Variants in ATP9B observed in about 807,000 individuals in gnomAD.
ATP9B encodes probable phospholipid-transporting ATPase IIB.
Under a neutral mutation model 146.1 loss-of-function variants are expected in ATP9B, and 110 were observed. That is an observed-to-expected ratio of 0.75 (90% CI 0.65 to 0.88). The LOEUF is 0.88. Among genes scored for constraint, ATP9B ranks in the 40% least tolerant of loss-of-function variants. ATP9B has a pLI of 0.00. For synonymous variants in ATP9B, 604 were observed against 569.7 expected, an observed-to-expected ratio of 1.06 and a Z score of -0.86; for missense variants, 1,499 against 1,496.4, an observed-to-expected ratio of 1.00 and a Z score of -0.03.
rs559979982 is a variant in ATP9B, at chr18:79,104,918, ATTT to A, written c.294-5434_294-5432del. On this transcript the variant is annotated intron_variant, in intron 2 of 29. Transcript: ENST00000426216. ...GCCACCACACCCGGCTAATTTTTTT[ATTT>A]TTATAGAGGCAGGGTCTTTCTATGT... 6.6e-3 allele frequency among the ~76,000 whole-genome samples: 996 copies of A among 152,010 alleles called. 8 individuals carry two copies. Among genetic ancestry groups the A allele is most frequent in the African/African-American group, 0.023 (952 of 41,476 alleles).
At chr18:79,213,053 G>A (rs1391943116) in intron 10 of ATP9B, among the ~76,000 whole-genome samples, 1 of 152,098 alleles carries the variant, frequency 6.6e-6, no homozygotes, top group Non-Finnish European at 1.5e-5. Context: ...TTACTTCAAA[G>A]AGCCTGTCTT....
chr18:79,367,248 C>T (rs1317286370), intron 26 of ATP9B, among the ~76,000 whole-genome samples: 1 of 133,834 alleles, frequency 7.5e-6, no homozygotes, highest in African/African-American at 2.9e-5. Context: ...CATATCTTCA[C>T]CTCCACCGTG....
chr18:79,140,421 T>G (rs1052916950), intron 5 of ATP9B, among the ~76,000 whole-genome samples: 10 of 152,116 alleles, frequency 6.6e-5, no homozygotes, highest in Admixed American at 6.6e-5. Flanking sequence ...CGGGCAGAAA[T>G]TAATGACTGG....
At position 79,121,071 on chromosome 18, in the gene ATP9B, T is replaced by G. The variant is rs8099205; in HGVS notation, c.559-5196T>G. On this transcript the variant is annotated intron_variant, in intron 4 of 29. Transcript: ENST00000426216. ...AAATTAGAGGTAAAGATACATACTT[T>G]GTAGGATTTTTGTGATATTTAAAAG... Among the ~76,000 whole-genome samples, 692 of 152,336 alleles carry G rather than the reference T, an allele frequency of 4.5e-3. 5 individuals are homozygous for G. Among genetic ancestry groups the G allele is most frequent in the African/African-American group, 0.016 (674 of 41,570 alleles).
chr18:79,234,586 G>GGC (rs2095822456), intron 11 of ATP9B, among the ~76,000 whole-genome samples: 3 of 151,822 alleles, frequency 2.0e-5, no homozygotes, highest in Non-Finnish European at 4.4e-5. Flanking sequence ...GCTTGCTGTG[G>GGC]GTGTGCTTGC....
At chr18:79,072,142 C>CT (rs34018028) in intron 1 of ATP9B, among the ~76,000 whole-genome samples, 1,560 of 146,010 alleles carry the variant, frequency 0.011, 25 homozygotes, top group African/African-American at 0.032. Context: ...TTCCCTAATT[C>CT]TTTTTTTTTT....
chr18:79,089,533 CT>C (rs1455431213), intron 1 of ATP9B, among the ~76,000 whole-genome samples: 2 of 152,088 alleles, frequency 1.3e-5, no homozygotes, highest in Non-Finnish European at 2.9e-5. Flanking sequence ...GTTGCTTTTC[CT>C]CCAGATGTCA....
intron 12 of ATP9B, among the ~76,000 whole-genome samples, chr18:79,257,518 A>G (rs1004714127): frequency 6.6e-6 from 1 of 152,232 alleles, no homozygotes; most frequent in African/African-American, 2.4e-5. Flanking sequence ...ACTGGAACAG[A>G]GAGAACCTTG....
intron 22 of ATP9B, 64 bp from the exon 23 acceptor site, chr18:79,345,711 G>A: frequency 1.0e-5 from 16 of 1,607,296 alleles, no homozygotes; most frequent in Non-Finnish European, 1.4e-5. Context: ...AGCTTCTGAT[G>A]GTAAAAATGA....
At chr18:79,133,423 C>A (rs2094406573) in intron 5 of ATP9B, among the ~76,000 whole-genome samples, 1 of 151,970 alleles carries the variant, frequency 6.6e-6, no homozygotes, top group Admixed American at 6.5e-5. Flanking sequence ...TCATGAACAC[C>A]TTCCATTTTT....
At chr18:79,099,909 G>A (rs1442332775) in intron 2 of ATP9B, among the ~76,000 whole-genome samples, 2 of 152,054 alleles carry the variant, frequency 1.3e-5, no homozygotes, top group Non-Finnish European at 1.5e-5. Flanking sequence ...GGTGGATCAC[G>A]AGGTCAAGAG....
At position 79,271,236 on chromosome 18, in the gene ATP9B, T is replaced by TTTA. The variant is rs556752249; in HGVS notation, c.1269-5801_1269-5799dup. The stretch of plus-strand genomic sequence containing the variant: ...TTCTGTAATACTTTGCTGTATTTTC[T>TTTA]TTATTATTATTATTATTATACTTTA... On this transcript the variant is annotated intron_variant, in intron 12 of 29. Transcript: ENST00000426216. 5.3e-3 allele frequency among the ~76,000 whole-genome samples: 811 copies of TTTA among 151,714 alleles called. 1 individual carries two copies. Among genetic ancestry groups the TTTA allele is most frequent in the Non-Finnish European group, 9.0e-3 (614 of 67,878 alleles).
chr18:79,237,263 T>G (rs1427651443), intron 11 of ATP9B, among the ~76,000 whole-genome samples: 1 of 140,410 alleles, frequency 7.1e-6, no homozygotes, highest in Non-Finnish European at 1.5e-5. Context: ...CGAGTCAGTG[T>G]CCACACCTGC....
chr18:79,244,930 G>A (rs2095928447), intron 11 of ATP9B, among the ~76,000 whole-genome samples: 1 of 152,200 alleles, frequency 6.6e-6, no homozygotes, highest in Non-Finnish European at 1.5e-5. Flanking sequence ...TACAATATCA[G>A]TACCACTTAG....
rs141343734 is a variant in ATP9B at position 79,371,832 on chromosome 18, G to A, written c.3013-993G>A. ...TCCTGTCCTTAGGAGAATCTCCCCC[G>A]TGGGTGGGGAAGCCCTAAATCAGGG... On this transcript the variant is annotated intron_variant, in intron 26 of 29. Transcript: ENST00000426216. 6.6e-5 allele frequency among the ~76,000 whole-genome samples: 10 copies of A among 152,308 alleles called. No homozygotes were observed. In the East Asian group the frequency reaches 1.2e-3, roughly 18 times the overall value.
chr18:79,347,038 G>T (rs1474791513), intron 23 of ATP9B, among the ~76,000 whole-genome samples: 2 of 152,220 alleles, frequency 1.3e-5, no homozygotes, highest in African/African-American at 4.8e-5. Flanking sequence ...CTAGGGCTCA[G>T]CTCAGATGTT....
At chr18:79,325,072 CT>C (rs1489753434) in intron 15 of ATP9B, among the ~76,000 whole-genome samples, 2 of 152,204 alleles carry the variant, frequency 1.3e-5, no homozygotes, top group Non-Finnish European at 2.9e-5. Context: ...CCCACAACCC[CT>C]GAGCCCCTCT....
At position 79,073,711 on chromosome 18, in the gene ATP9B, T is replaced by C. The variant is rs896988471; in HGVS notation, c.119+4182T>C. Among the ~76,000 whole-genome samples, 3 of 152,260 alleles carry C rather than the reference T, an allele frequency of 2.0e-5. No homozygotes were observed. The East Asian group carries it at 5.8e-4, about 29-fold the overall frequency. Reference sequence around the variant, plus strand: ...GGGAGAGGGTAATTCCCTAATTCTTTACTCTGTTATCTCCACTCTATTCTC... The same window carrying C: ...GGGAGAGGGTAATTCCCTAATTCTTCACTCTGTTATCTCCACTCTATTCTC... On this transcript the variant is annotated intron_variant, in intron 1 of 29. Coordinates refer to ENST00000426216, the MANE Select transcript of ATP9B (RefSeq NM_198531.5).
chr18:79,154,450 G>A (rs1403023098), intron 6 of ATP9B, 54 bp from the exon 7 acceptor site: 22 of 1,274,472 alleles, frequency 1.7e-5, no homozygotes, highest in Non-Finnish European at 2.4e-5. Flanking sequence ...ATGGAATTGT[G>A]TTAATTTGTA....
Sources: allele counts gnomAD v4.1 joint callset (sites outside exome capture counted in the v4.1 genomes callset), GRCh38; gene constraint gnomAD v4.1.1; transcripts MANE v1.5; gene names NCBI Gene and HGNC (gene_info 2026-07-23, HGNC 2026-07-21).